SSBP3: variants seen among roughly 807,000 people sequenced by gnomAD.
SSBP3 encodes the protein single stranded DNA binding protein 3.
Under a neutral mutation model 69.6 loss-of-function variants are expected in SSBP3, and 5 were observed. The observed-to-expected ratio is 0.07, with a 90% CI of 0.04 to 0.15. SSBP3 has a LOEUF of 0.15. Among genes scored for constraint, SSBP3 ranks in the 10% least tolerant of loss-of-function variants. The pLI is 1.00. For synonymous variants in SSBP3, 196 were observed against 193.4 expected (o/e 1.01, Z -0.11); for missense variants, 312 against 534.0 (o/e 0.58, Z 4.10).
At chr1:54,296,296 GGTTCC>G (rs1645702542) in intron 4 of SSBP3, among the ~76,000 whole-genome samples, 1 of 152,224 alleles carries the variant, frequency 6.6e-6, no homozygotes, top group Non-Finnish European at 1.5e-5. Context: ...TGTGAATGCT[GGTTCC>G]GTTCCTAGCC....
chr1:54,251,503 T>A, intron 9 of SSBP3, 113 bp downstream of exon 9: 1 of 1,197,360 alleles, frequency 8.4e-7, no homozygotes, highest in Non-Finnish European at 1.2e-6. Flanking sequence ...ATGCCCTTCC[T>A]CTCACCCCTG....
At chr1:54,240,757 G>A in intron 13 of SSBP3, 148 bp downstream of exon 13, 1 of 986,490 alleles carries the variant, frequency 1.0e-6, no homozygotes, top group Non-Finnish European at 1.6e-6. Flanking sequence ...GGGACCCCCT[G>A]CCCTCTAAAT....
intron 4 of SSBP3, among the ~76,000 whole-genome samples, chr1:54,350,353 G>C (rs1046761926): frequency 2.0e-5 from 3 of 152,218 alleles, no homozygotes; most frequent in African/African-American, 4.8e-5. Context: ...AACAAGCGCT[G>C]TTACTAGGAA....
At chr1:54,371,273 T>C (rs1647128682) in intron 4 of SSBP3, among the ~76,000 whole-genome samples, 1 of 152,228 alleles carries the variant, frequency 6.6e-6, no homozygotes, top group South Asian at 2.1e-4. Flanking sequence ...GCGCATTAAC[T>C]CCAGCACCGA....
At chr1:54,346,850 T>C (rs1010188614) in intron 4 of SSBP3, among the ~76,000 whole-genome samples, 1 of 151,794 alleles carries the variant, frequency 6.6e-6, no homozygotes, top group Non-Finnish European at 1.5e-5. Flanking sequence ...TACAGTCTCC[T>C]ATGGCAGCCT....
At chr1:54,404,448 T>C (rs1419329871) in intron 3 of SSBP3, 128 bp downstream of exon 3, 1 of 1,102,534 alleles carries the variant, frequency 9.1e-7, no homozygotes, top group Non-Finnish European at 1.3e-6. Context: ...TGCCTCGAGG[T>C]GCCCCGCTCT....
chr1:54,333,203 A>G (rs1397452037), intron 4 of SSBP3, among the ~76,000 whole-genome samples: 1 of 152,172 alleles, frequency 6.6e-6, no homozygotes, highest in Non-Finnish European at 1.5e-5. Flanking sequence ...GAGACCTTGC[A>G]TACCCCACAG....
chr1:54,369,798 T>TCAGAACAGAATCA (rs1553146827), intron 4 of SSBP3, among the ~76,000 whole-genome samples: 3 of 129,620 alleles, frequency 2.3e-5, no homozygotes, highest in Admixed American at 8.3e-5. Flanking sequence ...TCTGAGAACG[T>TCAGAACAGAATCA]GACCCTGTCC....
intron 4 of SSBP3, among the ~76,000 whole-genome samples, chr1:54,291,614 G>A (rs1049295222): frequency 6.6e-6 from 1 of 152,242 alleles, no homozygotes; most frequent in Non-Finnish European, 1.5e-5. Context: ...TGGTACTGCT[G>A]GAGAGATGCA....
chr1:54,240,120 G>GCGC (rs1557449248), intron 13 of SSBP3, among the ~76,000 whole-genome samples: 2 of 103,556 alleles, frequency 1.9e-5, no homozygotes, highest in African/African-American at 7.3e-5. Flanking sequence ...GCGCGCGCGC[G>GCGC]CAACACATGC....
At chr1:54,285,584 G>A (rs980837184) in intron 4 of SSBP3, 6 of 152,256 alleles carry the variant, frequency 3.9e-5, no homozygotes, top group East Asian at 3.9e-4. Flanking sequence ...TGATTACTAC[G>A]TGTATAATTC....
rs1002180694 is a variant in SSBP3 at position 54,258,983 on chromosome 1, A to T, written c.367-834T>A. Among the ~76,000 whole-genome samples the T allele has an allele frequency of 2.6e-5, 4 of 152,190 alleles. No homozygotes were observed. Among genetic ancestry groups the T allele is most frequent in the African/African-American group, 9.6e-5 (4 of 41,458 alleles). On this transcript the variant is annotated intron_variant, in intron 5 of 17. Coordinates refer to ENST00000610401, the Ensembl canonical transcript of SSBP3. This position sits in a 1 kb window ranked among gnomAD's most constrained non-coding sequence, Gnocchi z 4.5. Reference sequence around the variant, plus strand: ...TGGGATGAGAAGCCCCATGGGTCCAAGGCCCATCTCCAGCCCTGAAACCCA... The same window carrying T: ...TGGGATGAGAAGCCCCATGGGTCCATGGCCCATCTCCAGCCCTGAAACCCA...
intron 4 of SSBP3, among the ~76,000 whole-genome samples, chr1:54,389,225 A>G (rs1570025047): frequency 6.6e-6 from 1 of 152,136 alleles, no homozygotes; most frequent in East Asian, 1.9e-4. Flanking sequence ...TGGTGACTCA[A>G]TGCATGCAAT....
intron 1 of SSBP3, among the ~76,000 whole-genome samples, chr1:54,411,430 C>T (rs213494): frequency 0.7 from 104,091 of 149,036 alleles, 36,660 homozygotes; most frequent in African/African-American, 0.78. Context: ...GTGAGCCGAG[C>T]TCGCACCACT....
intron 4 of SSBP3, among the ~76,000 whole-genome samples, chr1:54,341,756 G>A (rs1294226968): frequency 6.6e-6 from 1 of 151,922 alleles, no homozygotes; most frequent in Non-Finnish European, 1.5e-5. Flanking sequence ...GTACATGACA[G>A]GAGGCCTGAC....
intron 4 of SSBP3, among the ~76,000 whole-genome samples, chr1:54,380,828 C>T (rs1038805834): frequency 6.6e-6 from 1 of 152,048 alleles, no homozygotes; most frequent in Non-Finnish European, 1.5e-5. Flanking sequence ...TTCCTTAAAG[C>T]CAGTATATTA....
In SSBP3 at chr1:54,352,878, T is replaced by C. The variant is rs966286831; in HGVS notation, c.276+48983A>G. Among the ~76,000 whole-genome samples, 13 of 152,236 alleles carry C rather than the reference T, an allele frequency of 8.5e-5. 1 individual carries two copies. The highest frequency in any genetic ancestry group is 8.5e-4 in the Admixed American group (13 of 15,292). On this transcript the variant is annotated intron_variant, in intron 4 of 17. Transcript: ENST00000610401. ...GACAGAGGAACCTCAACACAATCCA[T>C]GGGGCTCAAGCCAGATCCCTCTCAA... is the stretch of plus-strand genomic sequence containing the variant.
chr1:54,339,392 A>C (rs1646566910), intron 4 of SSBP3, among the ~76,000 whole-genome samples: 1 of 152,208 alleles, frequency 6.6e-6, no homozygotes, highest in Non-Finnish European at 1.5e-5. Flanking sequence ...TGAGCTCTGA[A>C]ATTAATCTGC....
In SSBP3 at chr1:54,258,688, TGGGGGCAGGAGGGCC is replaced by T. The variant is rs1411027485; in HGVS notation, c.367-554_367-540del. On this transcript the variant is annotated intron_variant, in intron 5 of 17. Coordinates refer to ENST00000610401, the Ensembl canonical transcript of SSBP3. The surrounding 1 kb of genome is among the most constrained non-coding windows in gnomAD (Gnocchi z 4.5). ...GGAGAGGCCCAGGCGACGGGTTTCC[TGGGGGCAGGAGGGCC>T]GGGGGCACCGACAGATAAACAACAG... Among the ~76,000 whole-genome samples the T allele has an allele frequency of 2.0e-5, 3 of 152,052 alleles. No individual in the cohort carries two copies. The East Asian group carries it at 5.8e-4, about 29-fold the overall frequency.
Sources: allele counts gnomAD v4.1 joint callset (sites outside exome capture counted in the v4.1 genomes callset), GRCh38; gene constraint gnomAD v4.1.1; non-coding constraint Gnocchi (gnomAD v3.1); transcripts MANE v1.5; gene names NCBI Gene and HGNC (gene_info 2026-07-23, HGNC 2026-07-21).